FAM91A1: variants seen among roughly 807,000 people sequenced by gnomAD.
FAM91A1 encodes the protein protein FAM91A1.
Under a neutral mutation model 113.5 loss-of-function variants are expected in FAM91A1, and 41 were observed. That is an observed-to-expected ratio of 0.36 (90% confidence interval 0.28 to 0.47). The LOEUF is 0.47. Among genes scored for constraint, FAM91A1 ranks in the 20% least tolerant of loss-of-function variants. The probability of loss-of-function intolerance (pLI) is 1.00; values close to 1 mark genes in which losing one functional copy is unlikely to be tolerated. For synonymous variants in FAM91A1, 307 were observed against 347.9 expected, an observed-to-expected ratio of 0.88 and a Z score of 1.31; for missense variants, 696 against 1,001.2, an observed-to-expected ratio of 0.70 and a Z score of 4.11.
intron 5 of FAM91A1, among the ~76,000 whole-genome samples, 181 bp from the exon 6 acceptor site, chr8:123,778,476 AAC>A (rs144478949): frequency 0.028 from 4,305 of 152,290 alleles, 218 homozygotes; most frequent in African/African-American, 0.097. Context: ...TTTATTTTGA[AAC>A]AATTTAAGAA....
At chr8:123,775,359 T>TC in intron 3 of FAM91A1, 61 bp downstream of exon 3, 1 of 1,563,190 alleles carries the variant, frequency 6.4e-7, no homozygotes, top group Non-Finnish European at 8.7e-7. Context: ...CTGGGACTTT[T>TC]TGCAGATGTT....
chr8:123,783,458 A>G (rs1005413270), intron 8 of FAM91A1, among the ~76,000 whole-genome samples: 8 of 152,228 alleles, frequency 5.3e-5, no homozygotes, highest in East Asian at 3.9e-4. Context: ...ACTAAATTAG[A>G]AAATGACATG....
At chr8:123,769,733 GAATA>G (rs1354492450) in intron 1 of FAM91A1, among the ~76,000 whole-genome samples, 1 of 152,122 alleles carries the variant, frequency 6.6e-6, no homozygotes, top group Non-Finnish European at 1.5e-5. Flanking sequence ...ACAAATAAAT[GAATA>G]AATACGTAAC....
chr8:123,775,066 G>T, intron 2 of FAM91A1, 81 bp from the exon 3 acceptor site: 8 of 1,293,950 alleles, frequency 6.2e-6, no homozygotes, highest in South Asian at 2.0e-5. Context: ...TTAAATTACT[G>T]TTGGTTTGTA....
intron 15 of FAM91A1, among the ~76,000 whole-genome samples, chr8:123,797,002 A>C (rs976626285): frequency 6.6e-6 from 1 of 151,802 alleles, no homozygotes; most frequent in African/African-American, 2.4e-5. Flanking sequence ...CAGAGGTTGC[A>C]GGGAGCCGAG....
Position 123,787,760 on chromosome 8 carries a change from G to A in FAM91A1, c.1278+10G>A. Reference sequence around the variant, plus strand: ...TATAGAACTAGAAAAGGTAAATGTAGATTGCATGTAAGGGGATGTTAGGGC... The same window carrying A: ...TATAGAACTAGAAAAGGTAAATGTAAATTGCATGTAAGGGGATGTTAGGGC... On this transcript the variant is annotated intron_variant, in intron 14 of 23. Coordinates refer to ENST00000334705, the MANE Select transcript of FAM91A1 (RefSeq NM_144963.4). 6.2e-7 allele frequency: 1 copy of A among 1,602,034 alleles called. No homozygotes were observed. Among genetic ancestry groups the A allele is most frequent in the Non-Finnish European group, 8.5e-7 (1 of 1,173,608 alleles).
At chr8:123,782,148 G>A (rs978078651) in intron 8 of FAM91A1, among the ~76,000 whole-genome samples, 1 of 152,140 alleles carries the variant, frequency 6.6e-6, no homozygotes, top group African/African-American at 2.4e-5. Flanking sequence ...TTTGAAAAAA[G>A]CAGTCAGAGA....
Position 123,798,190 on chromosome 8 carries a change from G to T in FAM91A1, c.1512G>T (p.Met504Ile). 3 of 1,614,012 alleles carry T rather than the reference G, an allele frequency of 1.9e-6. No homozygotes were observed. Among genetic ancestry groups the T allele is most frequent in the Non-Finnish European group, 1.7e-6 (2 of 1,179,978 alleles). Residue 504 changes from methionine (M) to isoleucine (I), a missense_variant, in exon 16 of 24, where the codon ATG becomes ATT. By Grantham distance (10) the Met-to-Ile change is conservative (BLOSUM62 1). Coordinates refer to ENST00000334705, the MANE Select transcript of FAM91A1 (RefSeq NM_144963.4). ...AAAATTACACGCTGCTTGTTTCCAT[G>T]GCTCCCCTCACCAATGAAATCCGGC... ...LNKNYTLLVS[M>I]APLTNEIRPV...
In FAM91A1 at chr8:123,814,163, G is replaced by A; in HGVS notation, c.*1459G>A. 2.5e-6 allele frequency: 1 copy of A among 400,722 alleles called. No individual in the cohort carries two copies. The highest frequency in any genetic ancestry group is 4.8e-6 in the Non-Finnish European group (1 of 209,440). The allele number at this position is 400,722 out of a possible 1,614,324, so 24.8% of individuals were successfully genotyped here. Reference sequence around the variant, plus strand: ...GGTTAGTTTTCTACTTTGTCTTATAGAAGGTAGAAACCATGTGTATGTTAT... The same window carrying A: ...GGTTAGTTTTCTACTTTGTCTTATAAAAGGTAGAAACCATGTGTATGTTAT... On this transcript the variant is annotated 3_prime_UTR_variant, in exon 24 of 24. Transcript: ENST00000334705.
At chr8:123,807,603 T>A (rs1815844913) in intron 20 of FAM91A1, among the ~76,000 whole-genome samples, 1 of 151,718 alleles carries the variant, frequency 6.6e-6, no homozygotes, top group Non-Finnish European at 1.5e-5. Context: ...GGGGTCTGCA[T>A]AAAGCGCTAA....
At chr8:123,778,362 G>A (rs188628720) in intron 5 of FAM91A1, among the ~76,000 whole-genome samples, 1 of 152,102 alleles carries the variant, frequency 6.6e-6, no homozygotes, top group Admixed American at 6.5e-5. Flanking sequence ...TTCACTTAGT[G>A]GGTGAAAAAA....
In FAM91A1 at chr8:123,808,260, TTTAA is replaced by T. The variant is rs755672710; in HGVS notation, c.2033-8_2033-5del. The T allele has an allele frequency of 2.5e-4, 402 of 1,607,510 alleles. 2 individuals are homozygous for T. In the Middle Eastern group the frequency reaches 3.7e-3, roughly 15 times the overall value. On this transcript the variant is annotated splice_polypyrimidine_tract_variant and splice_region_variant and intron_variant, in intron 20 of 23. Coordinates refer to ENST00000334705, the MANE Select transcript of FAM91A1 (RefSeq NM_144963.4). ...TAGAATCCTAATATTGTGTATGCCC[TTTAA>T]TTATAAGGAGAACCTGATTTGGCTT...
intron 1 of FAM91A1, among the ~76,000 whole-genome samples, chr8:123,771,013 A>G (rs1027071798): frequency 6.6e-6 from 1 of 152,016 alleles, no homozygotes; most frequent in African/African-American, 2.4e-5. Context: ...TCTTCATGCT[A>G]CTCTGGGGGT....
intron 15 of FAM91A1, among the ~76,000 whole-genome samples, chr8:123,793,232 A>AT (rs570510912): frequency 6.6e-6 from 1 of 151,886 alleles, no homozygotes; most frequent in Admixed American, 6.6e-5. Flanking sequence ...ATAGTCAACT[A>AT]TTTTTTTTCT....
At chr8:123,800,054 G>A (rs1243259323) in intron 18 of FAM91A1, among the ~76,000 whole-genome samples, 169 bp downstream of exon 18, 1 of 152,094 alleles carries the variant, frequency 6.6e-6, no homozygotes, top group African/African-American at 2.4e-5. Flanking sequence ...GTGTGGGAGT[G>A]GTAGAAATAA....
At chr8:123,775,045 A>C (rs1185788558) in intron 2 of FAM91A1, 102 bp from the exon 3 acceptor site, 1 of 1,116,722 alleles carries the variant, frequency 9.0e-7, no homozygotes, top group South Asian at 2.0e-5. Flanking sequence ...TGTAATTTAC[A>C]TACTTTTCTT....
chr8:123,771,684 T>C (rs1814842273), intron 1 of FAM91A1, among the ~76,000 whole-genome samples: 1 of 152,210 alleles, frequency 6.6e-6, no homozygotes, highest in Non-Finnish European at 1.5e-5. Context: ...AGGGAAATCT[T>C]ATGATAAGTT....
At chr8:123,778,873 C>T in intron 6 of FAM91A1, 101 bp downstream of exon 6, 1 of 794,408 alleles carries the variant, frequency 1.3e-6, no homozygotes, top group Admixed American at 3.7e-5. Flanking sequence ...CATTGTTTTC[C>T]TGAAGAAAAG....
chr8:123,785,708 C>A lies in FAM91A1; in HGVS notation c.929C>A (p.Ser310Ter). The A allele has an allele frequency of 6.2e-7, 1 of 1,609,124 alleles. No homozygotes were observed. Among genetic ancestry groups the A allele is most frequent in the South Asian group, 1.1e-5 (1 of 89,966 alleles). Residue 310 changes from serine (S) to a stop codon, truncating the protein, a stop_gained, in exon 11 of 24, where the codon TCA becomes TAA. Coordinates refer to ENST00000334705, the MANE Select transcript of FAM91A1 (RefSeq NM_144963.4). LOFTEE classifies it high-confidence loss of function. The part of the protein sequence containing the change: ...QVINLDQLHS[S>*]WKNVPSVNRL... Reference sequence around the variant, plus strand: ...ATTAATTTGGATCAACTTCATTCATCATGGAAGAATGTTCCATCCGTAAAC... The same window carrying A: ...ATTAATTTGGATCAACTTCATTCATAATGGAAGAATGTTCCATCCGTAAAC...
Sources: allele counts gnomAD v4.1 joint callset (sites outside exome capture counted in the v4.1 genomes callset), GRCh38; gene constraint gnomAD v4.1.1; transcripts MANE v1.5; gene names NCBI Gene and HGNC (gene_info 2026-07-23, HGNC 2026-07-21).